SH3RF1: variants seen among roughly 807,000 people sequenced by gnomAD.
The protein encoded by SH3RF1 is E3 ubiquitin-protein ligase SH3RF1.
A neutral mutation model predicts 74.0 loss-of-function variants in SH3RF1; 32 were observed. The ratio of observed to expected loss-of-function variants is 0.43; its 90% CI spans 0.33 to 0.58. The LOEUF (loss-of-function observed/expected upper bound fraction) is 0.58. Among genes scored for constraint, SH3RF1 ranks in the 20% least tolerant of loss-of-function variants. The probability of loss-of-function intolerance (pLI) is 0.05; values close to 1 mark genes in which losing one functional copy is unlikely to be tolerated. For missense variants in SH3RF1, 954 were observed against 1,130.9 expected, an observed-to-expected ratio of 0.84 and a Z score of 2.24; for synonymous variants, 396 against 439.6, an observed-to-expected ratio of 0.90 and a Z score of 1.24.
intron 6 of SH3RF1, among the ~76,000 whole-genome samples, chr4:169,127,032 G>T (rs1488265422): frequency 6.6e-6 from 1 of 152,150 alleles, no homozygotes; most frequent in Non-Finnish European, 1.5e-5. Context: ...TTCATCACTT[G>T]TTTTAAAAGG....
intron 2 of SH3RF1, among the ~76,000 whole-genome samples, chr4:169,157,607 C>A (rs1454235445): frequency 6.6e-6 from 1 of 152,176 alleles, no homozygotes; most frequent in Non-Finnish European, 1.5e-5. Flanking sequence ...TGTTGCATAT[C>A]GTTGATTCAG....
intron 2 of SH3RF1, among the ~76,000 whole-genome samples, chr4:169,202,147 T>G (rs1734919830): frequency 2.0e-5 from 3 of 152,182 alleles, no homozygotes; most frequent in African/African-American, 7.2e-5. Context: ...ATATAGATAC[T>G]GAGTTGCAAT....
At chr4:169,250,715 A>C (rs1173324413) in intron 2 of SH3RF1, among the ~76,000 whole-genome samples, 1 of 152,210 alleles carries the variant, frequency 6.6e-6, no homozygotes, top group Non-Finnish European at 1.5e-5. Flanking sequence ...GGATTAAACA[A>C]ATAAATGTAT....
chr4:169,131,017 C>T (rs1298208872), intron 5 of SH3RF1, among the ~76,000 whole-genome samples: 1 of 152,136 alleles, frequency 6.6e-6, no homozygotes, highest in Non-Finnish European at 1.5e-5. Flanking sequence ...ATAACCCACC[C>T]AAAATGCTAG....
chr4:169,165,682 T>A (rs1480722727), intron 2 of SH3RF1, among the ~76,000 whole-genome samples: 2 of 152,068 alleles, frequency 1.3e-5, no homozygotes, highest in Non-Finnish European at 2.9e-5. Context: ...CAATTGCCTA[T>A]TTTTAGTTTT....
rs1160256156 is a variant in SH3RF1, at chr4:169,122,207, T to C, written c.1239A>G (p.Thr413=). 1 of 1,612,732 alleles carries C rather than the reference T, an allele frequency of 6.2e-7. No individual in the cohort carries two copies. ...CAGCAGCGGCGGTGGCGCCTGGTGG[T>C]GTGGAGGCAAGGACAGTGGCAGCCA... ...PLLAATVLAS[T]PPGATAAAAA... Residue 413 remains threonine, a synonymous_variant, in exon 7 of 12, where the codon ACA becomes ACG. Coordinates refer to ENST00000284637, the MANE Select transcript of SH3RF1 (RefSeq NM_020870.4).
intron 2 of SH3RF1, among the ~76,000 whole-genome samples, chr4:169,253,715 T>A (rs1236631836): frequency 1.3e-5 from 2 of 152,158 alleles, no homozygotes; most frequent in East Asian, 1.9e-4. Context: ...AAAGAAGCCA[T>A]TATACATGTA....
intron 6 of SH3RF1, among the ~76,000 whole-genome samples, chr4:169,125,201 CA>C (rs201628132): frequency 2.0e-5 from 3 of 150,402 alleles, no homozygotes; most frequent in Non-Finnish European, 4.4e-5. Flanking sequence ...CCTTTGGGGT[CA>C]AAAAAAAACA....
Position 169,136,512 on chromosome 4 carries a change from G to A in SH3RF1, c.874C>T (p.His292Tyr), listed in dbSNP as rs778779591. The change falls in exon 5 of 12, where the codon CAC becomes TAC. Residue 292 changes from histidine to tyrosine, a missense_variant. Around this residue, in one of 3 missense-constraint regions of SH3RF1, gnomAD observed 854 missense variants for 962.5 expected, o/e 0.89. Coordinates refer to ENST00000284637, the MANE Select transcript of SH3RF1 (RefSeq NM_020870.4). ...TTGGTGTTCTTCTTGGTGTCGGAGT[G>A]CTTTGGGGCAGTGCTGCTCTGGGCT... ...AAAQSSTAPK[H>Y]SDTKKNTKKR... is the part of the protein sequence containing the mutation. 9.9e-6 allele frequency: 16 copies of A among 1,613,748 alleles called. No individual in the cohort carries two copies. The highest frequency in any genetic ancestry group is 3.3e-5 in the South Asian group (3 of 91,048).
chr4:169,182,527 A>G (rs988195916), intron 2 of SH3RF1, among the ~76,000 whole-genome samples: 22 of 152,192 alleles, frequency 1.4e-4, no homozygotes, highest in African/African-American at 5.3e-4. Context: ...GGTAACATAA[A>G]CCAACTTCTA....
chr4:169,234,734 C>T (rs1167341618), intron 2 of SH3RF1, among the ~76,000 whole-genome samples: 1 of 152,150 alleles, frequency 6.6e-6, no homozygotes, highest in East Asian at 1.9e-4. Flanking sequence ...TTTTTGTACT[C>T]TAAGGGATCT....
At chr4:169,196,874 G>GT (rs1308132430) in intron 2 of SH3RF1, among the ~76,000 whole-genome samples, 3 of 151,928 alleles carry the variant, frequency 2.0e-5, no homozygotes, top group Non-Finnish European at 4.4e-5. Flanking sequence ...TATTGCTTTA[G>GT]TTTTATCCAA....
intron 2 of SH3RF1, among the ~76,000 whole-genome samples, chr4:169,158,079 G>A (rs1325058276): frequency 6.6e-6 from 1 of 152,184 alleles, no homozygotes; most frequent in Non-Finnish European, 1.5e-5. Context: ...AAGTGCTGAT[G>A]ACTTAAAGAA....
At chr4:169,175,874 T>C (rs979969627) in intron 2 of SH3RF1, among the ~76,000 whole-genome samples, 2 of 152,134 alleles carry the variant, frequency 1.3e-5, no homozygotes, top group African/African-American at 2.4e-5. Context: ...GCGAGAGTAT[T>C]TGGAGGTGGG....
At chr4:169,102,061 G>C (rs1733047235) in intron 11 of SH3RF1, among the ~76,000 whole-genome samples, 1 of 151,982 alleles carries the variant, frequency 6.6e-6, no homozygotes, top group Non-Finnish European at 1.5e-5. Flanking sequence ...ATCGCCCCTG[G>C]TATAGCCCAA....
chr4:169,213,034 G>A (rs894300864), intron 2 of SH3RF1, among the ~76,000 whole-genome samples: 7 of 152,094 alleles, frequency 4.6e-5, no homozygotes, highest in African/African-American at 1.7e-4. Context: ...ATAAGTTTTC[G>A]ACTAACTTAG....
intron 2 of SH3RF1, among the ~76,000 whole-genome samples, chr4:169,214,579 A>T (rs1354376235): frequency 5.3e-5 from 8 of 151,942 alleles, no homozygotes; most frequent in African/African-American, 1.7e-4. Context: ...ATTATCTCTC[A>T]TTTGTTTTTT....
At chr4:169,154,021 T>C (rs746652375) in intron 4 of SH3RF1, among the ~76,000 whole-genome samples, 9 of 152,164 alleles carry the variant, frequency 5.9e-5, no homozygotes, top group Non-Finnish European at 1.2e-4. Context: ...CATGTAATAT[T>C]GATAATACCT....
chr4:169,128,406 C>T (rs1733561763), intron 6 of SH3RF1, among the ~76,000 whole-genome samples: 1 of 152,206 alleles, frequency 6.6e-6, no homozygotes, highest in South Asian at 2.1e-4. Context: ...AAAGTTGTAA[C>T]TGTTCAGGAA....
Sources: gnomAD v4.1 joint callset for allele counts (sites outside exome capture counted in the v4.1 genomes callset) on GRCh38, gnomAD v4.1.1 for gene constraint, gnomAD v4.1.1 regional missense constraint, MANE v1.5 for transcripts, NCBI Gene and HGNC (gene_info 2026-07-23, HGNC 2026-07-21) for gene names.